Variants in HCN1 observed in about 807,000 individuals in gnomAD.
HCN1 encodes the protein potassium/sodium hyperpolarization-activated cyclic nucleotide-gated channel 1.
A neutral mutation model predicts 78.9 loss-of-function variants in HCN1; 13 were observed. The observed-to-expected ratio is 0.16, with a 90% confidence interval of 0.11 to 0.26. The LOEUF (loss-of-function observed/expected upper bound fraction) is 0.26. HCN1 is among the 10% of genes least tolerant of loss of function. HCN1 has a pLI of 1.00. For synonymous variants in HCN1, 552 were observed against 455.5 expected, an observed-to-expected ratio of 1.21 and a Z score of -2.70; for missense variants, 810 against 1,154.3, an observed-to-expected ratio of 0.70 and a Z score of 4.32.
chr5:45,637,458 A>G (rs1275212597), intron 2 of HCN1, among the ~76,000 whole-genome samples: 1 of 151,880 alleles, frequency 6.6e-6, no homozygotes, highest in Non-Finnish European at 1.5e-5. Flanking sequence ...GGAACTGAAG[A>G]TGCAGGAAAG....
intron 5 of HCN1, among the ~76,000 whole-genome samples, chr5:45,318,592 A>T (rs948915436): frequency 1.3e-5 from 2 of 151,620 alleles, no homozygotes; most frequent in Non-Finnish European, 2.9e-5. Flanking sequence ...TAAAATAAAA[A>T]GAAAAGTATA....
At chr5:45,436,385 T>C (rs1231177311) in intron 3 of HCN1, among the ~76,000 whole-genome samples, 1 of 152,212 alleles carries the variant, frequency 6.6e-6, no homozygotes. Flanking sequence ...GGTTCTGCAT[T>C]GTACCATACC....
At chr5:45,679,473 A>G (rs1421080636) in intron 1 of HCN1, among the ~76,000 whole-genome samples, 2 of 152,084 alleles carry the variant, frequency 1.3e-5, no homozygotes, top group Non-Finnish European at 2.9e-5. Flanking sequence ...AAATGTAAAA[A>G]TAACTATGAT....
chr5:45,320,980 A>T (rs1746114981), intron 5 of HCN1, among the ~76,000 whole-genome samples: 1 of 151,862 alleles, frequency 6.6e-6, no homozygotes, highest in Non-Finnish European at 1.5e-5. Flanking sequence ...AAACCAAGGA[A>T]CTGCAAGAAA....
intron 5 of HCN1, among the ~76,000 whole-genome samples, chr5:45,312,344 A>T (rs908576449): frequency 2.6e-5 from 4 of 152,210 alleles, no homozygotes; most frequent in African/African-American, 9.6e-5. Flanking sequence ...TTTGGTTGAC[A>T]CGATGTCTAT....
intron 3 of HCN1, among the ~76,000 whole-genome samples, chr5:45,453,457 AAC>A (rs1319160116): frequency 6.6e-6 from 1 of 152,140 alleles, no homozygotes; most frequent in Non-Finnish European, 1.5e-5. Flanking sequence ...CCTAAAACCC[AAC>A]ACACACATAC....
intron 2 of HCN1, among the ~76,000 whole-genome samples, chr5:45,584,740 C>G (rs1744170389): frequency 6.6e-6 from 1 of 152,164 alleles, no homozygotes; most frequent in South Asian, 2.1e-4. Context: ...GACAAAATCT[C>G]TCAGCATTTG....
At chr5:45,425,550 G>A (rs1356771868) in intron 3 of HCN1, among the ~76,000 whole-genome samples, 1 of 152,080 alleles carries the variant, frequency 6.6e-6, no homozygotes, top group Non-Finnish European at 1.5e-5. Flanking sequence ...CGAAAGAGAG[G>A]GCAGGAGAAA....
At chr5:45,419,511 T>TA (rs1447185437) in intron 3 of HCN1, among the ~76,000 whole-genome samples, 1 of 152,220 alleles carries the variant, frequency 6.6e-6, no homozygotes, top group African/African-American at 2.4e-5. Context: ...TTCTGTTACC[T>TA]AAGAATGAGC....
At chr5:45,672,996 G>C (rs138015892) in intron 1 of HCN1, among the ~76,000 whole-genome samples, 95 of 151,312 alleles carry the variant, frequency 6.3e-4, no homozygotes, top group African/African-American at 2.2e-3. Flanking sequence ...TTGTACTTTT[G>C]ATCTAATGTC....
intron 2 of HCN1, among the ~76,000 whole-genome samples, chr5:45,465,608 A>T (rs979124647): frequency 2.0e-5 from 3 of 151,882 alleles, no homozygotes; most frequent in Non-Finnish European, 4.4e-5. Context: ...TGCAAAAATT[A>T]CCCGGGCGTG....
intron 4 of HCN1, among the ~76,000 whole-genome samples, chr5:45,386,000 C>T (rs1747899700): frequency 6.6e-6 from 1 of 152,106 alleles, no homozygotes. Flanking sequence ...TATGAATTGA[C>T]CACATTTTAG....
chr5:45,513,902 T>C (rs897452031), intron 2 of HCN1, among the ~76,000 whole-genome samples: 18 of 152,158 alleles, frequency 1.2e-4, no homozygotes, highest in African/African-American at 3.9e-4. Context: ...AGAATTTCCA[T>C]AATGATAAAC....
intron 3 of HCN1, among the ~76,000 whole-genome samples, chr5:45,402,063 A>G (rs1739824500): frequency 6.6e-6 from 1 of 152,012 alleles, no homozygotes; most frequent in South Asian, 2.1e-4. Flanking sequence ...AAGTTACCAA[A>G]CCCCATAGTA....
chr5:45,592,330 TGATTAAA>T (rs57126486), intron 2 of HCN1, among the ~76,000 whole-genome samples: 52,108 of 151,508 alleles, frequency 0.34, 11,381 homozygotes, highest in Non-Finnish European at 0.46. Flanking sequence ...TATGTGTAAA[TGATTAAA>T]GATATTTGGA....
chr5:45,688,879 T>C (rs1049837432), intron 1 of HCN1, among the ~76,000 whole-genome samples: 5 of 151,894 alleles, frequency 3.3e-5, no homozygotes, highest in Non-Finnish European at 7.4e-5. Flanking sequence ...AAGAAGCCAA[T>C]AAAAAATACT....
chr5:45,479,261 A>G, intron 2 of HCN1, among the ~76,000 whole-genome samples: 1 of 152,108 alleles, frequency 6.6e-6, no homozygotes, highest in Non-Finnish European at 1.5e-5. Flanking sequence ...AAGGAAGGGG[A>G]ATCAGGGTAA....
At chr5:45,362,243 T>C (rs1747129995) in intron 4 of HCN1, among the ~76,000 whole-genome samples, 1 of 151,824 alleles carries the variant, frequency 6.6e-6, no homozygotes, top group South Asian at 2.1e-4. Flanking sequence ...TATGGACTGA[T>C]ATAACATGCC....
chr5:45,443,295 A>G (rs979587316), intron 3 of HCN1, among the ~76,000 whole-genome samples: 1 of 152,080 alleles, frequency 6.6e-6, no homozygotes, highest in African/African-American at 2.4e-5. Flanking sequence ...ACTATCAGGT[A>G]CTTTCTCCAT....
Sources: gnomAD v4.1 joint callset for allele counts (sites outside exome capture counted in the v4.1 genomes callset) on GRCh38, gnomAD v4.1.1 for gene constraint, MANE v1.5 for transcripts, NCBI Gene and HGNC (gene_info 2026-07-23, HGNC 2026-07-21) for gene names.